Variants in CADM1 observed in about 807,000 individuals in gnomAD.
CADM1 encodes the protein TSLC-1.
CADM1 carries 15 observed loss-of-function variants against 53.1 expected under a neutral mutation model. The observed-to-expected ratio is 0.28, with a 90% CI of 0.19 to 0.44. The LOEUF (loss-of-function observed/expected upper bound fraction) is 0.44. CADM1 is among the 20% of genes least tolerant of loss of function. The pLI is 1.00. For missense variants in CADM1, 434 were observed against 611.3 expected (o/e 0.71, Z 3.06); for synonymous variants, 281 against 243.0 (o/e 1.16, Z -1.45).
chr11:115,174,318 C>T lies in CADM1; in HGVS notation c.*2156G>A. On this transcript the variant is annotated 3_prime_UTR_variant, in exon 12 of 12. Transcript: ENST00000331581. ...TTTTCTTTTTTTCTAAAAAGAACAACTGAAAAAAAACCTTTCAACAACATG... is the reference window on the plus strand; with the variant it reads ...TTTTCTTTTTTTCTAAAAAGAACAATTGAAAAAAAACCTTTCAACAACATG... 1.0e-6 allele frequency: 1 copy of T among 983,702 alleles called. No homozygotes were observed. Among genetic ancestry groups the T allele is most frequent in the African/African-American group, 1.8e-5 (1 of 56,780 alleles). 60.9% of individuals were successfully genotyped at this position (983,702 alleles called of 1,614,324 possible). A position where few individuals can be genotyped will look rare whatever the true frequency, so the allele number is the denominator to read the frequency against.
chr11:115,404,689 C>T (rs1424127426), intron 1 of CADM1, among the ~76,000 whole-genome samples: 15 of 150,426 alleles, frequency 1.0e-4, no homozygotes, highest in Non-Finnish European at 1.3e-4. Context: ...AAAGAATTTC[C>T]ACATTTCCAC....
At chr11:115,251,787 C>T (rs1182826066) in intron 1 of CADM1, among the ~76,000 whole-genome samples, 3 of 152,042 alleles carry the variant, frequency 2.0e-5, no homozygotes, top group South Asian at 4.2e-4. Flanking sequence ...GTTGCTGGTC[C>T]CAGCTCAACC....
chr11:115,372,163 A>C (rs1393598830), intron 1 of CADM1, among the ~76,000 whole-genome samples: 1 of 152,202 alleles, frequency 6.6e-6, no homozygotes, highest in African/African-American at 2.4e-5. Context: ...TGCCAAAAAA[A>C]GTCTGTACTC....
intron 5 of CADM1, among the ~76,000 whole-genome samples, chr11:115,222,646 G>T (rs1941449580): frequency 6.6e-6 from 1 of 152,050 alleles, no homozygotes; most frequent in Non-Finnish European, 1.5e-5. Context: ...GAACGATTGT[G>T]AGTGGGATGA....
At chr11:115,365,371 T>C (rs553423884) in intron 1 of CADM1, among the ~76,000 whole-genome samples, 1 of 152,198 alleles carries the variant, frequency 6.6e-6, no homozygotes, top group Non-Finnish European at 1.5e-5. Flanking sequence ...TGGGGAAATT[T>C]AGTAAAAATC....
intron 1 of CADM1, among the ~76,000 whole-genome samples, chr11:115,466,950 T>C (rs1348244768): frequency 2.0e-5 from 3 of 152,196 alleles, no homozygotes; most frequent in Non-Finnish European, 4.4e-5. Flanking sequence ...CCAGCCAACA[T>C]TGACTCGTCC....
intron 1 of CADM1, among the ~76,000 whole-genome samples, chr11:115,382,091 C>T (rs568961696): frequency 2.6e-5 from 4 of 152,174 alleles, no homozygotes; most frequent in African/African-American, 7.2e-5. Flanking sequence ...GTGATCCACC[C>T]GCCTCGGCCT....
At chr11:115,411,835 T>C (rs1947467664) in intron 1 of CADM1, among the ~76,000 whole-genome samples, 1 of 152,112 alleles carries the variant, frequency 6.6e-6, no homozygotes, top group Non-Finnish European at 1.5e-5. Context: ...GACCAGAGTT[T>C]GATAAAAACA....
At chr11:115,221,823 G>A (rs955015013) in intron 5 of CADM1, among the ~76,000 whole-genome samples, 2 of 152,124 alleles carry the variant, frequency 1.3e-5, no homozygotes, top group Non-Finnish European at 2.9e-5. Flanking sequence ...CTGAGTCAGT[G>A]GAAAAGGCAT....
At chr11:115,228,055 G>A (rs1409986397) in intron 5 of CADM1, among the ~76,000 whole-genome samples, 3 of 152,174 alleles carry the variant, frequency 2.0e-5, no homozygotes, top group Admixed American at 6.5e-5. Flanking sequence ...ACACACAGAC[G>A]AGAGACCCAC....
chr11:115,218,253 G>T (rs1261790841), intron 5 of CADM1: 2 of 450,120 alleles, frequency 4.4e-6, no homozygotes, highest in Admixed American at 6.6e-5. Context: ...AATACATTTT[G>T]TTACACTGAA....
At chr11:115,479,325 C>G (rs919977489) in intron 1 of CADM1, among the ~76,000 whole-genome samples, 1 of 151,892 alleles carries the variant, frequency 6.6e-6, no homozygotes, top group African/African-American at 2.4e-5. Flanking sequence ...TCATGTATCC[C>G]CAAAATGATT....
chr11:115,380,737 C>A (rs1265037372), intron 1 of CADM1, among the ~76,000 whole-genome samples: 1 of 152,020 alleles, frequency 6.6e-6, no homozygotes, highest in Non-Finnish European at 1.5e-5. Flanking sequence ...CAAGCAATAG[C>A]TAGATGATCA....
chr11:115,294,296 A>G (rs148069665), intron 1 of CADM1, among the ~76,000 whole-genome samples: 1,565 of 152,194 alleles, frequency 0.01, 11 homozygotes, highest in South Asian at 0.021. Flanking sequence ...CCTGTTCTCC[A>G]GTGGTGGTGT....
At chr11:115,494,233 G>A (rs887483084) in intron 1 of CADM1, among the ~76,000 whole-genome samples, 1 of 152,122 alleles carries the variant, frequency 6.6e-6, no homozygotes, top group African/African-American at 2.4e-5. Flanking sequence ...CAAGTTGCCT[G>A]TGGTTTTGAA....
At chr11:115,434,402 A>T (rs1392632794) in intron 1 of CADM1, among the ~76,000 whole-genome samples, 1 of 152,242 alleles carries the variant, frequency 6.6e-6, no homozygotes, top group Non-Finnish European at 1.5e-5. Context: ...CAAGGCACCA[A>T]GCTAAGTGCA....
At chr11:115,283,709 T>C (rs1943645898) in intron 1 of CADM1, among the ~76,000 whole-genome samples, 1 of 152,222 alleles carries the variant, frequency 6.6e-6, no homozygotes. Context: ...CCCTGGAAGC[T>C]ACTAAAGCCA....
chr11:115,373,885 AAC>A (rs1216177375), intron 1 of CADM1, among the ~76,000 whole-genome samples: 1 of 152,206 alleles, frequency 6.6e-6, no homozygotes, highest in Non-Finnish European at 1.5e-5. Context: ...CATGAATGAA[AAC>A]ACAAATACAT....
rs1354393415 is a variant in CADM1, at chr11:115,452,810, T to C, written c.124+51461A>G. ...TAAGAGATAAAGTACAAAGTTTACATTGGTGAGAAATATCACTTCTGGGTA... is the reference window on the plus strand; with the variant it reads ...TAAGAGATAAAGTACAAAGTTTACACTGGTGAGAAATATCACTTCTGGGTA... On this transcript the variant is annotated intron_variant, in intron 1 of 11. Transcript: ENST00000331581. Among the ~76,000 whole-genome samples the C allele has an allele frequency of 4.6e-5, 7 of 152,292 alleles. No individual in the cohort carries two copies. In the East Asian group the frequency reaches 1.4e-3, roughly 29 times the overall value.
Sources: allele counts gnomAD v4.1 joint callset (sites outside exome capture counted in the v4.1 genomes callset), GRCh38; gene constraint gnomAD v4.1.1; transcripts MANE v1.5; gene names NCBI Gene and HGNC (gene_info 2026-07-23, HGNC 2026-07-21).